UBAP2: variants seen among roughly 807,000 people sequenced by gnomAD.
UBAP2 encodes the protein ubiquitin-associated protein 2.
In UBAP2, 75 loss-of-function variants were observed where a neutral mutation model predicts 139.6. The ratio of observed to expected loss-of-function variants is 0.54; its 90% confidence interval spans 0.45 to 0.65. The LOEUF (loss-of-function observed/expected upper bound fraction) is 0.65, where lower values mean the gene tolerates loss of function less well. Ranked by LOEUF, UBAP2 falls within the 30% of genes least tolerant of loss-of-function variation. The probability of loss-of-function intolerance (pLI) is 0.00; values close to 1 mark genes in which losing one functional copy is unlikely to be tolerated. For synonymous variants in UBAP2, 526 were observed against 526.2 expected (o/e 1.00, Z 0.01); for missense variants, 1,368 against 1,369.6 (o/e 1.00, Z 0.02).
At chr9:33,926,166 C>T (rs891310258) in intron 22 of UBAP2, among the ~76,000 whole-genome samples, 1 of 152,186 alleles carries the variant, frequency 6.6e-6, no homozygotes, top group South Asian at 2.1e-4. Flanking sequence ...GCCACTCACT[C>T]AGCTGATTGC....
chr9:33,923,750 C>G (rs1258594553), intron 24 of UBAP2, 45 bp downstream of exon 24: 1 of 1,596,242 alleles, frequency 6.3e-7, no homozygotes, highest in Non-Finnish European at 8.6e-7. Flanking sequence ...CACCTGCCAG[C>G]AACCCAAGGC....
chr9:33,938,946 T>C lies in UBAP2; in HGVS notation c.1929+2703A>G. On this transcript the variant is annotated intron_variant, in intron 16 of 28. Transcript: ENST00000379238. ...ATTTTAATCTGTGGATATTCCAGGC[T>C]GTGGAAGGGGAAGAGAAAAAGGAAG... 4.4e-6 allele frequency: 2 copies of C among 450,286 alleles called. 1 individual carries two copies. The highest frequency in any genetic ancestry group is 3.2e-5 in the South Asian group (2 of 62,880). The allele number at this position is 450,286 out of a possible 1,614,324, so 27.9% of individuals were successfully genotyped here.
chr9:33,923,124 A>G (rs866079215), intron 26 of UBAP2, 62 bp downstream of exon 26: 1 of 1,608,044 alleles, frequency 6.2e-7, no homozygotes, highest in Non-Finnish European at 8.5e-7. Flanking sequence ...CCTGCCTGAG[A>G]GGGGATCAGG....
At position 33,998,812 on chromosome 9, in the gene UBAP2, G is replaced by T. The variant is rs1285407448; in HGVS notation, c.152C>A (p.Ser51Ter). 1 of 1,612,326 alleles carries T rather than the reference G, an allele frequency of 6.2e-7. No individual in the cohort carries two copies. Reference sequence around the variant, plus strand: ...CTGCTTAACTTTAGCTTCAAAATCTGAATCATTCTTATCAAAGATCACTTG... The same window carrying T: ...CTGCTTAACTTTAGCTTCAAAATCTTAATCATTCTTATCAAAGATCACTTG... ...LAQVIFDKND[S>*]DFEAKVKQLM... The change falls in exon 3 of 29, where the codon TCA becomes TAA. Residue 51 changes from serine (S) to a stop codon, truncating the protein, a stop_gained. Transcript: ENST00000379238. LOFTEE classifies it high-confidence loss of function.
intron 6 of UBAP2, among the ~76,000 whole-genome samples, chr9:33,978,728 C>T (rs769508309): frequency 1.3e-5 from 2 of 151,842 alleles, no homozygotes; most frequent in South Asian, 2.1e-4. Flanking sequence ...TGCAATGAGC[C>T]GAGATTGTGC....
Position 34,012,837 on chromosome 9 carries a change from T to C in UBAP2, c.99+4213A>G, listed in dbSNP as rs1564062173. ...TGCAACTTTTCCGTAAATCTCACAA[T>C]GTATTTTTTTTTTTTTTAAATTGAG... On this transcript the variant is annotated intron_variant, in intron 2 of 28. Coordinates refer to ENST00000379238, the MANE Select transcript of UBAP2 (RefSeq NM_001370062.2). 2.2e-5 allele frequency among the ~76,000 whole-genome samples: 3 copies of C among 136,470 alleles called. No individual in the cohort carries two copies. The South Asian group carries it at 6.8e-4, about 31-fold the overall frequency. The allele number at this position is 136,470 out of a possible 152,430, so 89.5% of individuals were successfully genotyped here.
chr9:33,988,533 A>G (rs75368980), intron 5 of UBAP2, among the ~76,000 whole-genome samples: 2,699 of 152,344 alleles, frequency 0.018, 44 homozygotes, highest in Non-Finnish European at 0.025. Context: ...ATGAGTGTCT[A>G]TAAATGGAGA....
At chr9:34,011,535 G>C (rs1342156431) in intron 2 of UBAP2, 2 of 713,086 alleles carry the variant, frequency 2.8e-6, no homozygotes. Flanking sequence ...AAAATACCCT[G>C]AGTCAAGAAA....
intron 2 of UBAP2, among the ~76,000 whole-genome samples, chr9:34,008,764 A>G (rs1263372119): frequency 6.6e-6 from 1 of 151,946 alleles, no homozygotes; most frequent in Non-Finnish European, 1.5e-5. Context: ...CAAGAAATCG[A>G]GACCATCCTG....
intron 1 of UBAP2, among the ~76,000 whole-genome samples, chr9:34,029,066 T>C (rs1284079644): frequency 2.0e-5 from 3 of 152,084 alleles, no homozygotes; most frequent in Non-Finnish European, 1.5e-5. Context: ...CAGTGTGCTA[T>C]GATCATGTCA....
At chr9:33,986,947 T>A in intron 5 of UBAP2, 110 bp from the exon 6 acceptor site, 1 of 967,054 alleles carries the variant, frequency 1.0e-6, no homozygotes, top group Non-Finnish European at 1.6e-6. Context: ...GGCTACAATT[T>A]AAACAACGGG....
At chr9:34,043,419 G>A (rs975659481) in intron 1 of UBAP2, among the ~76,000 whole-genome samples, 9 of 152,166 alleles carry the variant, frequency 5.9e-5, no homozygotes, top group African/African-American at 1.7e-4. Flanking sequence ...CACCTGCCTC[G>A]GCCTCCCAAA....
At position 33,993,096 on chromosome 9, in the gene UBAP2, C is replaced by A. The variant is rs151251319; in HGVS notation, c.288+3127G>T. Among the ~76,000 whole-genome samples, 507 of 152,308 alleles carry A rather than the reference C, an allele frequency of 3.3e-3. 1 individual carries two copies. The highest frequency in any genetic ancestry group is 4.8e-3 in the Non-Finnish European group (328 of 68,028). The stretch of plus-strand genomic sequence containing the variant: ...AAACATTATGATGAAACAAAAAGTT[C>A]AGTACTTATGTTCAATATCTTCCTT... On this transcript the variant is annotated intron_variant, in intron 4 of 28. Coordinates refer to ENST00000379238, the MANE Select transcript of UBAP2 (RefSeq NM_001370062.2).
Position 33,948,529 on chromosome 9 carries a change from G to A in UBAP2, c.1115C>T (p.Thr372Ile), listed in dbSNP as rs1291271913. 3 of 1,614,152 alleles carry A rather than the reference G, an allele frequency of 1.9e-6. No individual in the cohort carries two copies. The highest frequency in any genetic ancestry group is 2.2e-5 in the East Asian group (1 of 44,882). The change falls in exon 13 of 29, where the codon ACC (threonine) becomes ATC (isoleucine). Residue 372 changes from threonine (T) to isoleucine (I), a missense_variant. Coordinates refer to ENST00000379238, the MANE Select transcript of UBAP2 (RefSeq NM_001370062.2). ...CAACTGGTCCAAAATCTGGGAGCTG[G>A]TGATGTTTGCCATTTTTGGTGGTGC... Reference protein sequence around the residue: ...ELAPPKMANITSSQILDQLKA... With the variant: ...ELAPPKMANIISSQILDQLKA...
At chr9:33,993,133 T>C (rs892725630) in intron 4 of UBAP2, among the ~76,000 whole-genome samples, 2 of 152,222 alleles carry the variant, frequency 1.3e-5, no homozygotes, top group Non-Finnish European at 2.9e-5. Flanking sequence ...GTGACAGATA[T>C]ACTTACATAA....
At chr9:34,039,714 C>G (rs1473910643) in intron 1 of UBAP2, among the ~76,000 whole-genome samples, 1 of 151,762 alleles carries the variant, frequency 6.6e-6, no homozygotes, top group Non-Finnish European at 1.5e-5. Context: ...TGCAGAAGGC[C>G]GCAGGGACCT....
At chr9:33,971,800 C>A in intron 7 of UBAP2, 46 bp from the exon 8 acceptor site, 1 of 1,161,698 alleles carries the variant, frequency 8.6e-7, no homozygotes, top group Non-Finnish European at 1.3e-6. Flanking sequence ...GAAGCAAACA[C>A]CTAAGCCAAA....
intron 3 of UBAP2, chr9:33,998,549 T>G (rs111301806): frequency 9.3e-6 from 4 of 432,162 alleles, no homozygotes; most frequent in African/African-American, 8.1e-5. Flanking sequence ...AATGTTCACA[T>G]GTAAACACTA....
intron 1 of UBAP2, among the ~76,000 whole-genome samples, chr9:34,044,902 G>C (rs1827432341): frequency 6.6e-6 from 1 of 151,956 alleles, no homozygotes; most frequent in Non-Finnish European, 1.5e-5. Context: ...GTATTACCTA[G>C]TCTTAAATAA....
Sources: allele counts gnomAD v4.1 joint callset (sites outside exome capture counted in the v4.1 genomes callset), GRCh38; gene constraint gnomAD v4.1.1; transcripts MANE v1.5; gene names NCBI Gene and HGNC (gene_info 2026-07-23, HGNC 2026-07-21).